Variants in EPHA3 observed in about 807,000 individuals in gnomAD.
The protein encoded by EPHA3 is EPH receptor A3.
Under a neutral mutation model 107.1 loss-of-function variants are expected in EPHA3, and 42 were observed. The observed-to-expected ratio is 0.39, with a 90% CI of 0.31 to 0.51. The LOEUF (loss-of-function observed/expected upper bound fraction) is 0.51, where lower values mean the gene tolerates loss of function less well. Ranked by LOEUF, EPHA3 falls within the 20% of genes least tolerant of loss-of-function variation. The pLI, the probability that EPHA3 is intolerant of heterozygous loss-of-function variation, is 0.78. For missense variants in EPHA3, 1,183 were observed against 1,211.2 expected (o/e 0.98, Z 0.35); for synonymous variants, 461 against 424.8 (o/e 1.09, Z -1.05).
chr3:89,261,589 A>T (rs1429318795), intron 3 of EPHA3, among the ~76,000 whole-genome samples: 3 of 152,130 alleles, frequency 2.0e-5, no homozygotes, highest in Non-Finnish European at 4.4e-5. Flanking sequence ...GGGTTTGTAT[A>T]TAATAAGTGC....
At chr3:89,123,585 T>A (rs1208898197) in intron 1 of EPHA3, among the ~76,000 whole-genome samples, 1 of 152,196 alleles carries the variant, frequency 6.6e-6, no homozygotes, top group East Asian at 1.9e-4. Context: ...GCCTTCCCCT[T>A]CTTATGAATA....
chr3:89,427,409 C>G lies in EPHA3; in HGVS notation c.2075-1697C>G, dbSNP rs1018619931. 4.6e-5 allele frequency among the ~76,000 whole-genome samples: 7 copies of G among 151,690 alleles called. 1 individual carries two copies. The highest frequency in any genetic ancestry group is 9.7e-5 in the African/African-American group (4 of 41,376). ...TCTAGCATCAGAATGGCAAACTAACCTCATGATAAATAAGACACATAGGAG... is the reference window on the plus strand; with the variant it reads ...TCTAGCATCAGAATGGCAAACTAACGTCATGATAAATAAGACACATAGGAG... On this transcript the variant is annotated intron_variant, in intron 11 of 16. Transcript: ENST00000336596.
intron 3 of EPHA3, among the ~76,000 whole-genome samples, chr3:89,312,578 T>C (rs966946353): frequency 4.9e-4 from 75 of 151,958 alleles, no homozygotes; most frequent in African/African-American, 1.7e-3. Context: ...TTATAGTTTC[T>C]TTTCTTTTCA....
chr3:89,215,885 G>C (rs1464649162), intron 3 of EPHA3, among the ~76,000 whole-genome samples: 1 of 151,784 alleles, frequency 6.6e-6, no homozygotes, highest in African/African-American at 2.4e-5. Flanking sequence ...CCTAAAAGAT[G>C]ATTTTATAGG....
At chr3:89,472,263 G>A (rs1204110964) in intron 15 of EPHA3, among the ~76,000 whole-genome samples, 1 of 152,178 alleles carries the variant, frequency 6.6e-6, no homozygotes, top group Non-Finnish European at 1.5e-5. Flanking sequence ...GAGAAGGGGA[G>A]AACTTAGACA....
chr3:89,379,086 A>T (rs1335967876), intron 5 of EPHA3, among the ~76,000 whole-genome samples: 1 of 152,186 alleles, frequency 6.6e-6, no homozygotes, highest in African/African-American at 2.4e-5. Context: ...ATGGAAATTA[A>T]GCAGCAGGTA....
intron 13 of EPHA3, among the ~76,000 whole-genome samples, chr3:89,439,287 T>C (rs1709735357): frequency 6.6e-6 from 1 of 152,182 alleles, no homozygotes; most frequent in Non-Finnish European, 1.5e-5. Flanking sequence ...AGACTAAATG[T>C]CAAGCTAATA....
chr3:89,419,470 T>C (rs1176852622), intron 11 of EPHA3, 80 bp downstream of exon 11: 1 of 1,327,518 alleles, frequency 7.5e-7, no homozygotes, highest in African/African-American at 1.5e-5. Context: ...CATTTAAGAA[T>C]TTTGGCTTTT....
At chr3:89,120,683 A>G (rs1183275266) in intron 1 of EPHA3, among the ~76,000 whole-genome samples, 1 of 152,192 alleles carries the variant, frequency 6.6e-6, no homozygotes, top group East Asian at 1.9e-4. Context: ...TTATAAAAAC[A>G]CAGACTCATC....
Position 89,361,193 on chromosome 3 carries a change from A to G in EPHA3, c.1306+19103A>G, listed in dbSNP as rs532336451. Among the ~76,000 whole-genome samples, 4 of 151,196 alleles carry G rather than the reference A, an allele frequency of 2.6e-5. No homozygotes were observed. The East Asian group carries it at 7.8e-4, about 29-fold the overall frequency. On this transcript the variant is annotated intron_variant, in intron 5 of 16. Coordinates refer to ENST00000336596, the MANE Select transcript of EPHA3 (RefSeq NM_005233.6). ...AGATGCCATTAGTGTTGCCCAAGGT[A>G]CAGAGAAGGCCTTCTTGTATCCTTT...
At chr3:89,455,790 G>A (rs1710085813) in intron 15 of EPHA3, among the ~76,000 whole-genome samples, 1 of 152,170 alleles carries the variant, frequency 6.6e-6, no homozygotes. Flanking sequence ...TACACATCAT[G>A]TATGTGTTGA....
intron 2 of EPHA3, among the ~76,000 whole-genome samples, chr3:89,208,865 A>G (rs1287012799): frequency 2.0e-5 from 3 of 152,206 alleles, no homozygotes; most frequent in Non-Finnish European, 2.9e-5. Flanking sequence ...AGAAAACTTT[A>G]CATTCAAGAA....
At chr3:89,444,309 A>T (rs1709839366) in intron 13 of EPHA3, among the ~76,000 whole-genome samples, 1 of 152,144 alleles carries the variant, frequency 6.6e-6, no homozygotes, top group Non-Finnish European at 1.5e-5. Context: ...AGAGTTTATG[A>T]GAATGTATGT....
At chr3:89,428,465 G>A (rs1269555273) in intron 11 of EPHA3, among the ~76,000 whole-genome samples, 1 of 152,048 alleles carries the variant, frequency 6.6e-6, no homozygotes, top group Non-Finnish European at 1.5e-5. Flanking sequence ...GTTATTACAA[G>A]TTACTGCCAA....
intron 5 of EPHA3, among the ~76,000 whole-genome samples, chr3:89,373,300 C>T (rs115691609): frequency 0.015 from 2,325 of 151,798 alleles, 44 homozygotes; most frequent in African/African-American, 0.053. Flanking sequence ...TTAAAATTTC[C>T]TCCAGCCACT....
chr3:89,450,916 A>C (rs1248720199), intron 15 of EPHA3, among the ~76,000 whole-genome samples: 3 of 152,082 alleles, frequency 2.0e-5, no homozygotes, highest in African/African-American at 7.2e-5. Flanking sequence ...TAAATAAATA[A>C]ATATACTGAA....
At chr3:89,468,621 C>T (rs770588013) in intron 15 of EPHA3, among the ~76,000 whole-genome samples, 5 of 152,224 alleles carry the variant, frequency 3.3e-5, no homozygotes, top group East Asian at 1.9e-4. Flanking sequence ...CGTGTGCGCG[C>T]GCATGCCTGT....
At chr3:89,315,609 C>T (rs1190959944) in intron 3 of EPHA3, among the ~76,000 whole-genome samples, 1 of 148,630 alleles carries the variant, frequency 6.7e-6, no homozygotes, top group African/African-American at 2.5e-5. Flanking sequence ...GAGAAATTTC[C>T]TTTTTAATAA....
At chr3:89,259,869 A>G (rs1559622489) in intron 3 of EPHA3, among the ~76,000 whole-genome samples, 1 of 151,776 alleles carries the variant, frequency 6.6e-6, no homozygotes, top group Non-Finnish European at 1.5e-5. Context: ...CTGCTGTTTT[A>G]TTTTCTGTCT....
Sources: allele counts gnomAD v4.1 joint callset (sites outside exome capture counted in the v4.1 genomes callset), GRCh38; gene constraint gnomAD v4.1.1; transcripts MANE v1.5; gene names NCBI Gene and HGNC (gene_info 2026-07-23, HGNC 2026-07-21).